Variants in FARS2 observed in about 807,000 individuals in gnomAD.
The protein encoded by FARS2 is phenylalanyl-tRNA synthetase 2, mitochondrial.
A neutral mutation model predicts 46.4 loss-of-function variants in FARS2; 40 were observed. The ratio of observed to expected loss-of-function variants is 0.86; its 90% CI spans 0.67 to 1.12. FARS2 has a LOEUF of 1.12. FARS2 is among the 50% of genes most tolerant of loss of function. FARS2 has a pLI of 0.00. For synonymous variants in FARS2, 234 were observed against 214.9 expected (o/e 1.09, Z -0.78); for missense variants, 513 against 567.9 (o/e 0.90, Z 0.98).
At chr6:5,505,165 T>C (rs996729101) in intron 4 of FARS2, among the ~76,000 whole-genome samples, 6 of 152,234 alleles carry the variant, frequency 3.9e-5, no homozygotes, top group African/African-American at 1.4e-4. Flanking sequence ...TATGGCTATT[T>C]TATTAATAGC....
At chr6:5,268,917 A>T (rs1262743205) in intron 1 of FARS2, among the ~76,000 whole-genome samples, 1 of 152,128 alleles carries the variant, frequency 6.6e-6, no homozygotes, top group Non-Finnish European at 1.5e-5. Flanking sequence ...GAGGTCCTTC[A>T]CATCCCTTGT....
chr6:5,386,319 T>G (rs983893960), intron 2 of FARS2, among the ~76,000 whole-genome samples: 1 of 151,434 alleles, frequency 6.6e-6, no homozygotes, highest in African/African-American at 2.4e-5. Context: ...AAGTGACAGG[T>G]GATGGAGTTA....
chr6:5,592,521 CAGT>C (rs1346368059), intron 5 of FARS2, among the ~76,000 whole-genome samples: 1 of 152,146 alleles, frequency 6.6e-6, no homozygotes, highest in African/African-American at 2.4e-5. Context: ...CCCTTGAAAA[CAGT>C]GGTGTGATCT....
intron 1 of FARS2, among the ~76,000 whole-genome samples, chr6:5,364,622 TG>T (rs1382413676): frequency 2.6e-5 from 4 of 152,244 alleles, no homozygotes. Flanking sequence ...ATTTAGGCTT[TG>T]TGAGCAACAC....
At chr6:5,369,310 C>G (rs1758889969) in intron 2 of FARS2, 128 bp downstream of exon 2, 2 of 905,680 alleles carry the variant, frequency 2.2e-6, no homozygotes, top group African/African-American at 1.7e-5. Flanking sequence ...AGTGAATCAT[C>G]CATACTTAAT....
At chr6:5,569,486 G>C (rs1190467917) in intron 5 of FARS2, among the ~76,000 whole-genome samples, 1 of 152,112 alleles carries the variant, frequency 6.6e-6, no homozygotes, top group Non-Finnish European at 1.5e-5. Context: ...CGGCTTCCCA[G>C]AGTGCTGGGA....
chr6:5,443,425 A>G (rs1763954583), intron 4 of FARS2, among the ~76,000 whole-genome samples: 1 of 152,252 alleles, frequency 6.6e-6, no homozygotes, highest in Admixed American at 6.5e-5. Flanking sequence ...CTATGAGAAG[A>G]ATATACTTCT....
At chr6:5,672,778 T>A (rs1423236529) in intron 6 of FARS2, among the ~76,000 whole-genome samples, 1 of 152,194 alleles carries the variant, frequency 6.6e-6, no homozygotes, top group African/African-American at 2.4e-5. Flanking sequence ...TGATTCATGA[T>A]GAAGCTAAGT....
At chr6:5,606,642 A>G (rs1261035417) in intron 5 of FARS2, among the ~76,000 whole-genome samples, 1 of 152,148 alleles carries the variant, frequency 6.6e-6, no homozygotes, top group Non-Finnish European at 1.5e-5. Flanking sequence ...CAGAAAGGCA[A>G]GAGACTCCTG....
At chr6:5,715,321 A>G in intron 6 of FARS2, among the ~76,000 whole-genome samples, 1 of 152,172 alleles carries the variant, frequency 6.6e-6, no homozygotes, top group East Asian at 1.9e-4. Context: ...CCTCCCCAGC[A>G]TGCGTTTTTC....
At chr6:5,531,057 G>A (rs1048535690) in intron 4 of FARS2, among the ~76,000 whole-genome samples, 1 of 152,060 alleles carries the variant, frequency 6.6e-6, no homozygotes, top group Non-Finnish European at 1.5e-5. Context: ...ATATTCTTGA[G>A]TGATAGCATC....
chr6:5,254,162 A>C, the FARS2 span, among the ~76,000 whole-genome samples: 1 of 152,240 alleles, frequency 6.6e-6, no homozygotes, highest in Non-Finnish European at 1.5e-5. Context: ...TGGTCAACAG[A>C]AACGGCCCAA....
chr6:5,327,361 A>G (rs571552299), intron 1 of FARS2, among the ~76,000 whole-genome samples: 1 of 152,264 alleles, frequency 6.6e-6, no homozygotes, highest in South Asian at 2.1e-4. Context: ...CTTGCCTGAT[A>G]TGGTTGGGCT....
chr6:5,609,733 A>G, intron 5 of FARS2: 2 of 1,514,666 alleles, frequency 1.3e-6, no homozygotes, highest in Admixed American at 3.3e-5. Context: ...GGTCGTCAAA[A>G]GTTACAAAGG....
At chr6:5,279,134 T>C (rs1483339520) in intron 1 of FARS2, among the ~76,000 whole-genome samples, 1 of 151,982 alleles carries the variant, frequency 6.6e-6, no homozygotes, top group Non-Finnish European at 1.5e-5. Flanking sequence ...CCCCAGCATT[T>C]TGGGAGGCCT....
rs371526536 is a variant in FARS2 at position 5,728,238 on chromosome 6, G to A, written c.1218-43053G>A. 2.4e-4 allele frequency among the ~76,000 whole-genome samples: 37 copies of A among 152,056 alleles called. 1 individual carries two copies. The highest frequency in any genetic ancestry group is 3.4e-3 in the Middle Eastern group (1 of 294). On this transcript the variant is annotated intron_variant, in intron 6 of 6. Coordinates refer to ENST00000274680, the MANE Select transcript of FARS2 (RefSeq NM_006567.5). ...GCCTGCAATTCCACCCAATAATTTG[G>A]GTTTGTTTCAAAATAGCCTAATAGC...
chr6:5,454,633 T>A (rs762165525), intron 4 of FARS2, among the ~76,000 whole-genome samples: 1 of 152,164 alleles, frequency 6.6e-6, no homozygotes, highest in Non-Finnish European at 1.5e-5. Context: ...CGTGAGCCAC[T>A]GAGCCTGGCC....
intron 5 of FARS2, among the ~76,000 whole-genome samples, chr6:5,551,322 G>T (rs2150515620): frequency 6.6e-6 from 1 of 152,126 alleles, no homozygotes; most frequent in African/African-American, 2.4e-5. Context: ...CATCTGTATT[G>T]CTACCACCAG....
chr6:5,369,428 T>C (rs1370709984), intron 2 of FARS2, among the ~76,000 whole-genome samples: 5 of 152,096 alleles, frequency 3.3e-5, no homozygotes, highest in African/African-American at 1.2e-4. Context: ...TTATCCTTTC[T>C]CTCAATACTG....
Sources: gnomAD v4.1 joint callset for allele counts (sites outside exome capture counted in the v4.1 genomes callset) on GRCh38, gnomAD v4.1.1 for gene constraint, MANE v1.5 for transcripts, NCBI Gene and HGNC (gene_info 2026-07-23, HGNC 2026-07-21) for gene names.